Variants in CWF19L1 observed in about 807,000 individuals in gnomAD.
The protein encoded by CWF19L1 is CWF19-like protein 1.
CWF19L1 carries 60 observed loss-of-function variants against 69.7 expected under a neutral mutation model. The observed-to-expected ratio is 0.86, with a 90% CI of 0.70 to 1.07. The LOEUF is 1.07. Among genes scored for constraint, CWF19L1 ranks in the 50% least tolerant of loss-of-function variants. The pLI is 0.00. For synonymous variants in CWF19L1, 209 were observed against 222.2 expected, an observed-to-expected ratio of 0.94 and a Z score of 0.53; for missense variants, 591 against 638.9, an observed-to-expected ratio of 0.92 and a Z score of 0.81.
intron 1 of CWF19L1, among the ~76,000 whole-genome samples, chr10:100,267,171 GCC>G (rs1847626728): frequency 2.5e-5 from 1 of 40,776 alleles, no homozygotes; most frequent in Non-Finnish European, 4.2e-5. Context: ...AAAAAAAAAT[GCC>G]CCAGGGAAGG....
chr10:100,249,027 C>A (rs1316176026), intron 7 of CWF19L1: 3 of 605,448 alleles, frequency 5.0e-6, no homozygotes, highest in Non-Finnish European at 6.2e-6. Flanking sequence ...CTGGGAACAT[C>A]AGCTCCCTGC....
At chr10:100,248,769 A>G in intron 7 of CWF19L1, 1 of 1,415,822 alleles carries the variant, frequency 7.1e-7, no homozygotes, top group South Asian at 1.1e-5. Context: ...TGTCCTTGAC[A>G]CATCTGACCT....
chr10:100,261,137 C>G, intron 2 of CWF19L1, 93 bp from the exon 3 acceptor site: 1 of 808,510 alleles, frequency 1.2e-6, no homozygotes, highest in Non-Finnish European at 2.0e-6. Flanking sequence ...TTAATAGTTT[C>G]AAATCAGTTT....
At chr10:100,242,831 A>T (rs980288111) in intron 10 of CWF19L1, among the ~76,000 whole-genome samples, 1 of 152,210 alleles carries the variant, frequency 6.6e-6, no homozygotes, top group Non-Finnish European at 1.5e-5. Context: ...AGCAAAAGGA[A>T]CTCATCACTC....
chr10:100,240,661 T>C (rs1163755538), intron 10 of CWF19L1, among the ~76,000 whole-genome samples: 2 of 152,210 alleles, frequency 1.3e-5, no homozygotes, highest in Non-Finnish European at 2.9e-5. Flanking sequence ...CACTTCTCAC[T>C]GAGGCCTAGA....
At chr10:100,244,046 T>C (rs1338002967) in intron 9 of CWF19L1, among the ~76,000 whole-genome samples, 3 of 152,302 alleles carry the variant, frequency 2.0e-5, no homozygotes, top group Non-Finnish European at 2.9e-5. Context: ...TAACTGGCAA[T>C]AGGCTACAAC....
At chr10:100,250,161 G>A (rs1027776191) in intron 7 of CWF19L1, 87 bp downstream of exon 7, 1 of 917,604 alleles carries the variant, frequency 1.1e-6, no homozygotes, top group Non-Finnish European at 1.8e-6. Context: ...AGGGAGAAGA[G>A]AAGATCTGAA....
intron 6 of CWF19L1, among the ~76,000 whole-genome samples, chr10:100,251,658 C>T (rs1327914621): frequency 1.3e-5 from 2 of 151,948 alleles, no homozygotes; most frequent in Non-Finnish European, 2.9e-5. Context: ...ACTACAGGCG[C>T]CCGCCACCAT....
Position 100,245,870 on chromosome 10 carries a change from T to G in CWF19L1, c.893A>C (p.Gln298Pro). 6.2e-7 allele frequency: 1 copy of G among 1,614,224 alleles called. No homozygotes were observed. Among genetic ancestry groups the G allele is most frequent in the Non-Finnish European group, 8.5e-7 (1 of 1,180,010 alleles). The change falls in exon 9 of 14, where the codon CAG becomes CCG. Residue 298 changes from glutamine to proline, a missense_variant. Physicochemically the swap from Gln to Pro is moderately conservative, Grantham distance 76 (BLOSUM62 -1). Transcript: ENST00000354105. ...CQFFFDLNEK[Q>P]GRKRSSTGRD... The stretch of plus-strand genomic sequence containing the variant: ...ACCTGTGGATGAACGCTTCCTTCCC[T>G]GCTTTTCATTTAAATCAAAGAAAAA...
At chr10:100,264,520 G>A (rs971447645) in intron 1 of CWF19L1, among the ~76,000 whole-genome samples, 3 of 149,642 alleles carry the variant, frequency 2.0e-5, no homozygotes, top group Non-Finnish European at 2.9e-5. Flanking sequence ...ACTCCAGCCT[G>A]GGCAACAGAG....
intron 4 of CWF19L1, among the ~76,000 whole-genome samples, chr10:100,257,454 C>A (rs980068045): frequency 7.2e-5 from 11 of 151,952 alleles, no homozygotes; most frequent in Non-Finnish European, 2.9e-5. Context: ...TGACCGCCAC[C>A]ATGCCCAGTT....
At chr10:100,245,428 C>T (rs1846782524) in intron 9 of CWF19L1, among the ~76,000 whole-genome samples, 1 of 152,196 alleles carries the variant, frequency 6.6e-6, no homozygotes, top group Non-Finnish European at 1.5e-5. Context: ...GAACTCATCA[C>T]TCTCAAGTAG....
At chr10:100,246,077 C>A (rs1006110024) in intron 8 of CWF19L1, 164 bp from the exon 9 acceptor site, 2 of 563,046 alleles carry the variant, frequency 3.6e-6, no homozygotes, top group Admixed American at 3.0e-5. Context: ...AGTTCTGATG[C>A]CTGAAGTCTC....
intron 1 of CWF19L1, among the ~76,000 whole-genome samples, chr10:100,267,007 C>T (rs531965671): frequency 1.3e-5 from 2 of 151,876 alleles, no homozygotes; most frequent in Non-Finnish European, 2.9e-5. Flanking sequence ...AGTACCTGTT[C>T]CTCTAGACTC....
intron 10 of CWF19L1, among the ~76,000 whole-genome samples, chr10:100,238,863 C>T (rs1204668776): frequency 6.9e-6 from 1 of 145,158 alleles, no homozygotes; most frequent in Non-Finnish European, 1.5e-5. Context: ...ACCCGGGAGG[C>T]AGAGGTTGCA....
intron 5 of CWF19L1, chr10:100,254,526 C>G (rs372931405): frequency 7.2e-5 from 11 of 152,234 alleles, no homozygotes; most frequent in African/African-American, 2.6e-4. Flanking sequence ...AATAAGCTAA[C>G]AAAGTTTGTT....
intron 7 of CWF19L1, chr10:100,249,010 T>C: frequency 3.1e-6 from 2 of 640,194 alleles, no homozygotes; most frequent in South Asian, 3.2e-5. Flanking sequence ...ATTCCAGCTC[T>C]TATACTCTGG....
At chr10:100,250,637 A>G (rs1447658223) in intron 6 of CWF19L1, among the ~76,000 whole-genome samples, 2 of 152,298 alleles carry the variant, frequency 1.3e-5, no homozygotes, top group East Asian at 1.9e-4. Flanking sequence ...TGATGGACAC[A>G]TGAGGTTTCA....
chr10:100,262,146 A>G, intron 1 of CWF19L1, 83 bp from the exon 2 acceptor site: 1 of 1,517,674 alleles, frequency 6.6e-7, no homozygotes, highest in Non-Finnish European at 8.8e-7. Flanking sequence ...CTTTTGGATT[A>G]GATAGATACA....
Sources: gnomAD v4.1 joint callset for allele counts (sites outside exome capture counted in the v4.1 genomes callset) on GRCh38, gnomAD v4.1.1 for gene constraint, MANE v1.5 for transcripts, NCBI Gene and HGNC (gene_info 2026-07-23, HGNC 2026-07-21) for gene names.